VBP1: variants seen among roughly 807,000 people sequenced by gnomAD.
VBP1 encodes VHL binding protein 1.
A neutral mutation model predicts 15.5 loss-of-function variants in VBP1; 4 were observed. That is an observed-to-expected ratio of 0.26 (90% CI 0.13 to 0.59). The LOEUF (loss-of-function observed/expected upper bound fraction) is 0.59. Ranked by LOEUF, VBP1 falls within the 20% of genes least tolerant of loss-of-function variation. The pLI is 0.90. For missense variants in VBP1, 108 were observed against 139.6 expected, an observed-to-expected ratio of 0.77 and a Z score of 1.14; for synonymous variants, 61 against 52.1, an observed-to-expected ratio of 1.17 and a Z score of -0.74.
rs781984587 is a variant in VBP1, at chrX:155,237,511, T to C, written c.523+1144T>C. Among the ~76,000 whole-genome samples the C allele has an allele frequency of 9.9e-5, 11 of 111,589 alleles. No homozygotes were observed. The East Asian group carries it at 1.1e-3, about 11-fold the overall frequency. On this transcript the variant is annotated intron_variant, in intron 5 of 5. Transcript: ENST00000286428. ...ACGGTTCCTTGTTACTTACAAGATA[T>C]ACATATAGGCACTCTTGTGAAGTGC...
chrX:155,233,437 A>C (rs2074756485), intron 4 of VBP1, among the ~76,000 whole-genome samples: 1 of 111,734 alleles, frequency 8.9e-6, no homozygotes, highest in Admixed American at 9.5e-5. Context: ...CAAACTTCTC[A>C]TTCTGCTGCC....
At chrX:155,227,965 A>T (rs1000961085) in intron 3 of VBP1, among the ~76,000 whole-genome samples, 1 of 112,321 alleles carries the variant, frequency 8.9e-6, no homozygotes, top group Non-Finnish European at 1.9e-5. Context: ...ACTTTGTAAG[A>T]CTTCAGCAAC....
intron 5 of VBP1, among the ~76,000 whole-genome samples, chrX:155,237,511 T>G (rs781984587): frequency 9.0e-6 from 1 of 111,533 alleles, no homozygotes; most frequent in Non-Finnish European, 1.9e-5. Context: ...TTACAAGATA[T>G]ACATATAGGC....
chrX:155,202,939 G>C (rs781908781), intron 1 of VBP1, among the ~76,000 whole-genome samples: 110 of 111,825 alleles, frequency 9.8e-4, no homozygotes, highest in African/African-American at 3.5e-3. Context: ...CCATCAAAAA[G>C]TGGGCGAAGG....
chrX:155,215,413 C>G (rs1160097848), upstream of VBP1, among the ~76,000 whole-genome samples: 5 of 111,728 alleles, frequency 4.5e-5, no homozygotes, highest in African/African-American at 9.8e-5. Flanking sequence ...CACTGGAGAA[C>G]TAGTTTGGAA....
intron 2 of VBP1, among the ~76,000 whole-genome samples, chrX:155,225,003 A>G (rs1288172304): frequency 8.9e-6 from 1 of 111,890 alleles, no homozygotes; most frequent in Non-Finnish European, 1.9e-5. Context: ...TCCTCTTCAT[A>G]TTACCAATAT....
intron 4 of VBP1, among the ~76,000 whole-genome samples, chrX:155,234,021 A>G (rs143334080): frequency 2.9e-3 from 319 of 109,413 alleles, no homozygotes; most frequent in African/African-American, 0.01. Context: ...GCAAAGGTTC[A>G]GGTTAATATG....
chrX:155,232,228 C>CT (rs200591228), intron 4 of VBP1, among the ~76,000 whole-genome samples: 63 of 100,245 alleles, frequency 6.3e-4, no homozygotes, highest in Middle Eastern at 0.01. Flanking sequence ...GATTCTTTTT[C>CT]TTTTTTTTTT....
At chrX:155,234,700 C>T (rs2074763681) in intron 4 of VBP1, among the ~76,000 whole-genome samples, 1 of 111,222 alleles carries the variant, frequency 9.0e-6, no homozygotes, top group African/African-American at 3.3e-5. Context: ...ATATTGAATG[C>T]ACATCATAGT....
intron 1 of VBP1, among the ~76,000 whole-genome samples, chrX:155,203,182 C>T (rs1439462389): frequency 1.8e-5 from 2 of 111,191 alleles, no homozygotes; most frequent in African/African-American, 6.5e-5. Flanking sequence ...CTAGTTCAAC[C>T]ATTGTGGAAG....
At chrX:155,231,479 T>C (rs1026397624) in intron 4 of VBP1, among the ~76,000 whole-genome samples, 3 of 112,636 alleles carry the variant, frequency 2.7e-5, no homozygotes, top group Admixed American at 9.4e-5. Flanking sequence ...TGATATGTTA[T>C]TGATTGGTGT....
chrX:155,238,745 T>C (rs1557311882), intron 5 of VBP1, 27 bp from the exon 6 acceptor site: 1 of 1,162,272 alleles, frequency 8.6e-7, no homozygotes. Flanking sequence ...AGAATTGCAT[T>C]TGCATTTTCT....
chrX:155,227,726 T>C (rs1429986347), intron 3 of VBP1, among the ~76,000 whole-genome samples: 2 of 112,257 alleles, frequency 1.8e-5, no homozygotes, highest in Non-Finnish European at 3.8e-5. Context: ...CATTTCATAG[T>C]TGAGGAAATG....
At chrX:155,231,955 A>G in intron 4 of VBP1, among the ~76,000 whole-genome samples, 1 of 111,934 alleles carries the variant, frequency 8.9e-6, no homozygotes, top group Middle Eastern at 4.6e-3. Flanking sequence ...TTGAAATGGA[A>G]TTGTTGTGTC....
intron 4 of VBP1, among the ~76,000 whole-genome samples, chrX:155,230,830 C>T (rs113828871): frequency 0.019 from 2,114 of 111,380 alleles, 62 homozygotes; most frequent in African/African-American, 0.066. Flanking sequence ...ATCACAGGCA[C>T]GTGCTACCAT....
chrX:155,212,303 C>A (rs148887531), upstream of VBP1, among the ~76,000 whole-genome samples: 2,961 of 111,790 alleles, frequency 0.026, 43 homozygotes, highest in South Asian at 0.043. Context: ...GAGTTTGAAC[C>A]TTTTTACATC....
rs782156733 is a variant in VBP1 at position 155,236,430 on chromosome X, C to A, written c.523+63C>A. 7 of 1,124,648 alleles carry A rather than the reference C, an allele frequency of 6.2e-6. No homozygotes were observed. In the African/African-American group the frequency reaches 1.1e-4, roughly 18 times the overall value. The allele number at this position is 1,124,648 out of a possible 1,213,427, so 92.7% of individuals were successfully genotyped here. On this transcript the variant is annotated intron_variant, in intron 5 of 5. Coordinates refer to ENST00000286428, the MANE Select transcript of VBP1 (RefSeq NM_003372.7). ...AGAAAGATTTTTTTAAAAAAACATT[C>A]TTTCATGGGCAGAGGGAGAGCATTA...
chrX:155,221,162 C>G (rs1557309540), intron 2 of VBP1, among the ~76,000 whole-genome samples: 16 of 111,173 alleles, frequency 1.4e-4, no homozygotes, highest in Non-Finnish European at 1.9e-5. Context: ...GAAACCCCGT[C>G]TCTACTAAAA....
At position 155,236,290 on chromosome X, in the gene VBP1, C is replaced by T. The variant is rs1557311564; in HGVS notation, c.446C>T (p.Ser149Leu). 6.6e-6 allele frequency: 8 copies of T among 1,210,452 alleles called. No individual in the cohort carries two copies. The highest frequency in any genetic ancestry group is 1.8e-5 in the South Asian group (1 of 56,896). ...CAGGCATTGTTGGAAAAGAATTTAT[C>T]GACTGCCACAAAGAATCTTGATTCC... ...EAQALLEKNL[S>L]TATKNLDSLE... is the part of the protein sequence containing the mutation. Residue 149 changes from serine (S) to leucine (L), a missense_variant, in exon 5 of 6, where the codon TCG becomes TTG. Coordinates refer to ENST00000286428, the MANE Select transcript of VBP1 (RefSeq NM_003372.7).
Sources: gnomAD v4.1 joint callset for allele counts (sites outside exome capture counted in the v4.1 genomes callset) on GRCh38, gnomAD v4.1.1 for gene constraint, MANE v1.5 for transcripts, NCBI Gene and HGNC (gene_info 2026-07-23, HGNC 2026-07-21) for gene names.